The following KREMEN1 variants were observed in gnomAD, a reference collection of about 807,000 sequenced individuals.
KREMEN1 encodes the protein kringle containing transmembrane protein 1, also known as kremen protein 1.
Under a neutral mutation model 46.5 loss-of-function variants are expected in KREMEN1, and 30 were observed. The ratio of observed to expected loss-of-function variants is 0.65; its 90% confidence interval spans 0.48 to 0.88. The LOEUF (loss-of-function observed/expected upper bound fraction) is 0.88. Among genes scored for constraint, KREMEN1 ranks in the 40% least tolerant of loss-of-function variants. The probability of loss-of-function intolerance (pLI) is 0.00; values close to 1 mark genes in which losing one functional copy is unlikely to be tolerated. For missense variants in KREMEN1, 533 were observed against 596.9 expected, an observed-to-expected ratio of 0.89 and a Z score of 1.11; for synonymous variants, 214 against 230.6, an observed-to-expected ratio of 0.93 and a Z score of 0.65.
At chr22:29,080,856 C>G (rs134611) in intron 1 of KREMEN1, among the ~76,000 whole-genome samples, 46,799 of 151,680 alleles carry the variant, frequency 0.31, 9,243 homozygotes, top group Middle Eastern at 0.48. Flanking sequence ...CACAGGAGAG[C>G]CCCCACGCCA....
chr22:29,112,256 A>G (rs1363635890), intron 3 of KREMEN1, among the ~76,000 whole-genome samples: 1 of 152,144 alleles, frequency 6.6e-6, no homozygotes, highest in Non-Finnish European at 1.5e-5. Flanking sequence ...CCAGCTTCCT[A>G]AGAAAGAGAA....
chr22:29,082,269 G>C (rs530402642), intron 1 of KREMEN1, among the ~76,000 whole-genome samples: 2 of 151,590 alleles, frequency 1.3e-5, no homozygotes, highest in African/African-American at 4.8e-5. Flanking sequence ...CCAGGCTGGG[G>C]GGCAGTGGCA....
chr22:29,121,947 A>T (rs898286529), intron 4 of KREMEN1, among the ~76,000 whole-genome samples: 1 of 152,254 alleles, frequency 6.6e-6, no homozygotes, highest in Non-Finnish European at 1.5e-5. Context: ...ACAAAAACAA[A>T]TCATTTTAAA....
At chr22:29,130,625 T>C (rs2038517124) in intron 5 of KREMEN1, among the ~76,000 whole-genome samples, 1 of 152,210 alleles carries the variant, frequency 6.6e-6, no homozygotes, top group South Asian at 2.1e-4. Context: ...ACATGCCCAT[T>C]ATCATTCCTG....
intron 9 of KREMEN1, among the ~76,000 whole-genome samples, chr22:29,159,242 A>T (rs1400694658): frequency 6.7e-6 from 1 of 150,272 alleles, no homozygotes; most frequent in Admixed American, 6.7e-5. Context: ...CTGGGATTTC[A>T]GGCATGAGCC....
intron 1 of KREMEN1, among the ~76,000 whole-genome samples, chr22:29,082,084 G>T (rs2037663435): frequency 3.7e-5 from 1 of 26,814 alleles, no homozygotes; most frequent in African/African-American, 1.6e-4. Context: ...CTAGAAGCTG[G>T]ATTATATCCA....
intron 5 of KREMEN1, among the ~76,000 whole-genome samples, chr22:29,132,170 C>A (rs1032270078): frequency 6.6e-6 from 1 of 152,082 alleles, no homozygotes; most frequent in Non-Finnish European, 1.5e-5. Flanking sequence ...CCACGACCGG[C>A]CAGAATAATG....
intron 9 of KREMEN1, among the ~76,000 whole-genome samples, chr22:29,162,661 G>A (rs1301873677): frequency 6.6e-6 from 1 of 151,926 alleles, no homozygotes; most frequent in African/African-American, 2.4e-5. Context: ...GCAGTGAACC[G>A]AGATTGTGCC....
At chr22:29,141,804 T>C (rs1460892251) in intron 8 of KREMEN1, 140 bp from the exon 9 acceptor site, 28 of 549,000 alleles carry the variant, frequency 5.1e-5, no homozygotes, top group Non-Finnish European at 7.1e-5. Context: ...TGCACGCTAG[T>C]CCTTCAGATC....
At chr22:29,117,242 A>T (rs547311717) in intron 3 of KREMEN1, among the ~76,000 whole-genome samples, 7 of 152,314 alleles carry the variant, frequency 4.6e-5, no homozygotes, top group Non-Finnish European at 7.3e-5. Context: ...AAACTGGACC[A>T]TGCTGTTTTC....
At chr22:29,166,957 A>G (rs1413707413) in intron 9 of KREMEN1, 2 of 1,077,026 alleles carry the variant, frequency 1.9e-6, no homozygotes, top group Non-Finnish European at 2.8e-6. Flanking sequence ...AGAGACCAAA[A>G]TCAGTCAAAT....
chr22:29,088,037 A>C (rs763265415), intron 1 of KREMEN1, among the ~76,000 whole-genome samples: 1 of 152,196 alleles, frequency 6.6e-6, no homozygotes, highest in African/African-American at 2.4e-5. Context: ...TAGCATAAAT[A>C]AATGAAGATG....
At position 29,100,246 on chromosome 22, in the gene KREMEN1, G is replaced by A. The variant is rs560581220; in HGVS notation, c.352+1293G>A. On this transcript the variant is annotated intron_variant, in intron 3 of 8. Transcript: ENST00000400335. ...TTCTCCTGCCTCAGCCTCCCGAGTAGCTGGGATTACAGGCATGTGCCACCA... is the reference window on the plus strand; with the variant it reads ...TTCTCCTGCCTCAGCCTCCCGAGTAACTGGGATTACAGGCATGTGCCACCA... 2.0e-5 allele frequency among the ~76,000 whole-genome samples: 3 copies of A among 152,076 alleles called. No homozygotes were observed. In the East Asian group the frequency reaches 5.8e-4, roughly 29 times the overall value.
rs1052327517 is a variant in KREMEN1 at position 29,153,926 on chromosome 22, C to T, written c.1416+11826C>T. ...GGCGGAGGTTGCAGTGAGCCGAGAT[C>T]TAGTCACTGCACTCCAGCCTGGGTA... On this transcript the variant is annotated intron_variant, in intron 9 of 9. Transcript: ENST00000327813. Among the ~76,000 whole-genome samples, 16 of 148,836 alleles carry T rather than the reference C, an allele frequency of 1.1e-4. No individual in the cohort carries two copies. The Admixed American group carries it at 1.1e-3, about 10-fold the overall frequency.
intron 3 of KREMEN1, among the ~76,000 whole-genome samples, chr22:29,101,233 CACA>C (rs907588249): frequency 1.1e-5 from 1 of 93,412 alleles, no homozygotes; most frequent in Non-Finnish European, 1.9e-5. Context: ...ATCTGGGAAA[CACA>C]ACAAGAGTCT....
chr22:29,091,947 C>T lies in KREMEN1; in HGVS notation c.98-2311C>T, dbSNP rs144741753. 5.2e-3 allele frequency among the ~76,000 whole-genome samples: 785 copies of T among 152,090 alleles called. 5 individuals are homozygous for T. Among genetic ancestry groups the T allele is most frequent in the African/African-American group, 0.018 (744 of 41,498 alleles). The stretch of plus-strand genomic sequence containing the variant: ...AGAATTAAAAGCAGACCAGTGTGGC[C>T]GAAGCACAGCGAGTGAGTAAGGGAA... On this transcript the variant is annotated intron_variant, in intron 1 of 8. Coordinates refer to ENST00000400335, the MANE Select transcript of KREMEN1 (RefSeq NM_001039570.3).
chr22:29,138,652 G>A lies in KREMEN1; in HGVS notation c.993G>A (p.Arg331=), dbSNP rs2038708197. 1.2e-6 allele frequency: 2 copies of A among 1,614,170 alleles called. No individual in the cohort carries two copies. The highest frequency in any genetic ancestry group is 1.7e-6 in the Non-Finnish European group (2 of 1,180,030). ...TCAAGGAAGAACTGCCACAGGAGAGGCCCGCTGTCAACCAGACGGTGGCCG... is the reference window on the plus strand; with the variant it reads ...TCAAGGAAGAACTGCCACAGGAGAGACCCGCTGTCAACCAGACGGTGGCCG... ...QAVKEELPQE[R]PAVNQTVAEV... is the part of the protein sequence containing the mutation. Residue 331 remains arginine, a synonymous_variant, in exon 7 of 9, where the codon AGG becomes AGA. Coordinates refer to ENST00000400335, the MANE Select transcript of KREMEN1 (RefSeq NM_001039570.3).
At chr22:29,079,018 C>A (rs954576002) in intron 1 of KREMEN1, among the ~76,000 whole-genome samples, 6 of 152,158 alleles carry the variant, frequency 3.9e-5, no homozygotes, top group Non-Finnish European at 7.3e-5. Flanking sequence ...ATTTTTCCTC[C>A]CTGTCTTATC....
intron 1 of KREMEN1, among the ~76,000 whole-genome samples, chr22:29,079,273 A>G (rs2037619067): frequency 6.6e-6 from 1 of 152,134 alleles, no homozygotes; most frequent in South Asian, 2.1e-4. Flanking sequence ...CACTTGTACC[A>G]GTTTAAAGAG....
Sources: allele counts gnomAD v4.1 joint callset (sites outside exome capture counted in the v4.1 genomes callset), GRCh38; gene constraint gnomAD v4.1.1; transcripts MANE v1.5; gene names NCBI Gene and HGNC (gene_info 2026-07-23, HGNC 2026-07-21).